RBFOX3: variants seen among roughly 807,000 people sequenced by gnomAD.
RBFOX3 encodes the protein RNA binding fox-1 homolog 3.
In RBFOX3, 17 loss-of-function variants were observed where a neutral mutation model predicts 48.7. That is an observed-to-expected ratio of 0.35 (90% CI 0.24 to 0.52). The LOEUF (loss-of-function observed/expected upper bound fraction) is 0.52. RBFOX3 is among the 20% of genes least tolerant of loss of function. The probability of loss-of-function intolerance (pLI) is 0.94; values close to 1 mark genes in which losing one functional copy is unlikely to be tolerated. For synonymous variants in RBFOX3, 212 were observed against 209.5 expected (o/e 1.01, Z -0.10); for missense variants, 382 against 497.5 (o/e 0.77, Z 2.21).
chr17:79,533,305 C>G (rs1010576362), intron 1 of RBFOX3, among the ~76,000 whole-genome samples: 2 of 152,182 alleles, frequency 1.3e-5, no homozygotes, highest in Admixed American at 6.5e-5. Flanking sequence ...GTCCAGGCAT[C>G]GAAAATCCTC....
chr17:79,232,765 T>C (rs778595749), intron 4 of RBFOX3, among the ~76,000 whole-genome samples: 2 of 152,168 alleles, frequency 1.3e-5, no homozygotes, highest in Non-Finnish European at 2.9e-5. Context: ...TACGAATAGA[T>C]TCTCAACATC....
chr17:79,091,503 G>A (rs1320569024), intron 14 of RBFOX3, among the ~76,000 whole-genome samples: 3 of 152,220 alleles, frequency 2.0e-5, no homozygotes, highest in African/African-American at 2.4e-5. Context: ...CCCCAGAAGC[G>A]CCATGCACCG....
In RBFOX3 at chr17:79,194,753, G is replaced by GT. The variant is rs1555599582; in HGVS notation, c.-34+41012_-34+41013insA. Among the ~76,000 whole-genome samples the GT allele has an allele frequency of 3.7e-3, 550 of 149,112 alleles. 3 individuals carry two copies. The highest frequency in any genetic ancestry group is 8.0e-3 in the African/African-American group (324 of 40,324). On this transcript the variant is annotated intron_variant, in intron 4 of 14. Transcript: ENST00000693108. ...AATTGAGACACTCCCTGTGTGTGTG[G>GT]GTGTGTGTGTGTGTGTGTGTGTGTG...
intron 1 of RBFOX3, among the ~76,000 whole-genome samples, chr17:79,570,957 A>G (rs1304261991): frequency 1.3e-5 from 2 of 152,132 alleles, no homozygotes; most frequent in African/African-American, 2.4e-5. Context: ...CTGAAGGATG[A>G]GGGGGGGCCC....
intron 4 of RBFOX3, among the ~76,000 whole-genome samples, chr17:79,189,571 T>G (rs541514540): frequency 6.6e-6 from 1 of 152,234 alleles, no homozygotes; most frequent in African/African-American, 2.4e-5. Flanking sequence ...TCTTTCTCAT[T>G]AGGCAGGAGG....
intron 2 of RBFOX3, among the ~76,000 whole-genome samples, chr17:79,344,443 C>G (rs901247542): frequency 1.3e-5 from 2 of 152,256 alleles, no homozygotes; most frequent in East Asian, 1.9e-4. Flanking sequence ...ACAGCCACCC[C>G]CTACCAGAGC....
Position 79,280,169 on chromosome 17 carries a change from AC to A in RBFOX3, c.-74+27554del, listed in dbSNP as rs55759414. ...TGTGCGTGCACACACACACGCACACACCACTCACACACACATGCACACTTAT... is the reference window on the plus strand; with the variant it reads ...TGTGCGTGCACACACACACGCACACACACTCACACACACATGCACACTTAT... On this transcript the variant is annotated intron_variant, in intron 3 of 14. Coordinates refer to ENST00000693108, the MANE Select transcript of RBFOX3 (RefSeq NM_001350451.2). Among the ~76,000 whole-genome samples, 181 of 121,586 alleles carry A rather than the reference AC, an allele frequency of 1.5e-3. 1 individual carries two copies. The highest frequency in any genetic ancestry group is 2.9e-3 in the Admixed American group (31 of 10,578). 79.8% of individuals were successfully genotyped at this position (121,586 alleles called of 152,430 possible). A position where few individuals can be genotyped will look rare whatever the true frequency, so the allele number is the denominator to read the frequency against.
Position 79,361,368 on chromosome 17 carries a change from G to C in RBFOX3, c.-174-53544C>G, listed in dbSNP as rs527514956. Among the ~76,000 whole-genome samples the C allele has an allele frequency of 1.4e-4, 21 of 152,316 alleles. No individual in the cohort carries two copies. Among genetic ancestry groups the C allele is most frequent in the African/African-American group, 4.8e-4 (20 of 41,578 alleles). On this transcript the variant is annotated intron_variant, in intron 2 of 14. Transcript: ENST00000693108. The surrounding 1 kb of genome is among the most constrained non-coding windows in gnomAD (Gnocchi z 4.5). ...GCTAACAGCTCTGTGCAGGTGGCAT[G>C]AGCTTGCATCCCCCACTGCCTTCCT...
chr17:79,179,013 G>A (rs1187180763), intron 4 of RBFOX3, among the ~76,000 whole-genome samples: 7 of 152,254 alleles, frequency 4.6e-5, no homozygotes, highest in Middle Eastern at 3.4e-3. Context: ...ATGCTGACCC[G>A]CGAGCCAGCG....
chr17:79,206,004 A>G (rs997502126), intron 4 of RBFOX3, among the ~76,000 whole-genome samples: 11 of 152,148 alleles, frequency 7.2e-5, no homozygotes, highest in Non-Finnish European at 1.3e-4. Flanking sequence ...CTCATCCGAT[A>G]CACTGAGGAA....
At chr17:79,379,911 C>T (rs2059682515) in intron 2 of RBFOX3, among the ~76,000 whole-genome samples, 1 of 152,182 alleles carries the variant, frequency 6.6e-6, no homozygotes, top group Non-Finnish European at 1.5e-5. Context: ...CATGTGCGTC[C>T]TGCAGCTCCT....
At chr17:79,105,958 C>G (rs1047727252) in intron 6 of RBFOX3, among the ~76,000 whole-genome samples, 5 of 152,186 alleles carry the variant, frequency 3.3e-5, no homozygotes, top group African/African-American at 1.2e-4. Context: ...CTGGCGCATT[C>G]AAGTCCAATA....
chr17:79,250,148 C>G (rs1402468590), intron 3 of RBFOX3, among the ~76,000 whole-genome samples: 1 of 152,208 alleles, frequency 6.6e-6, no homozygotes, highest in African/African-American at 2.4e-5. Context: ...ATTAATACAT[C>G]TTTACTCACA....
intron 4 of RBFOX3, among the ~76,000 whole-genome samples, chr17:79,170,121 AGGAAGGAAGGAGGAAGGAG>A (rs1286539000): frequency 7.1e-6 from 1 of 141,446 alleles, no homozygotes; most frequent in African/African-American, 2.9e-5. Flanking sequence ...GGAGGAAGGA[AGGAAGGAAGGAGGAAGGAG>A]GGAAGGAAGG....
chr17:79,620,497 G>C, the RBFOX3 span, among the ~76,000 whole-genome samples: 1 of 122,496 alleles, frequency 8.2e-6, no homozygotes, highest in African/African-American at 4.2e-5. Context: ...GCACACACGC[G>C]CACACACATG....
chr17:79,611,169 T>TCTCTCTCTCTCTCTCGCTCG, upstream of RBFOX3, among the ~76,000 whole-genome samples: 2 of 25,908 alleles, frequency 7.7e-5, 1 homozygote, highest in Non-Finnish European at 1.6e-4. Context: ...TCTCTCTCTC[T>TCTCTCTCTCTCTCTCGCTCG]CTCTCCGCCC....
At chr17:79,365,129 A>C (rs112403461) in intron 2 of RBFOX3, among the ~76,000 whole-genome samples, 1 of 115,018 alleles carries the variant, frequency 8.7e-6, no homozygotes, top group African/African-American at 3.5e-5. Flanking sequence ...GGATGTGCGC[A>C]CACACACACA....
chr17:79,094,525 C>A lies in RBFOX3; in HGVS notation c.1003G>T (p.Gly335Cys). Residue 335 changes from glycine to cysteine, a missense_variant, in exon 14 of 15, where the codon GGC becomes TGC. By Grantham distance (159) the Gly-to-Cys change is radical (BLOSUM62 -3). This residue lies in a region of RBFOX3 where 215 missense variants were observed against 254.8 expected (regional missense o/e 0.84). Transcript: ENST00000693108. ...AAAAAYSDSYGRVYAAADPYH... is the reference protein window; with the variant it reads ...AAAAAYSDSYCRVYAAADPYH... ...GGGTCGGCAGCTGCGTAGACTCTGC[C>A]GTAACTAGGGAAGAGCGTGGGAGGG... is the stretch of plus-strand genomic sequence containing the variant. 2 of 1,163,340 alleles carry A rather than the reference C, an allele frequency of 1.7e-6. No homozygotes were observed. Among genetic ancestry groups the A allele is most frequent in the Non-Finnish European group, 2.2e-6 (2 of 921,404 alleles). The allele number at this position is 1,163,340 out of a possible 1,614,324, so 72.1% of individuals were successfully genotyped here.
chr17:79,297,323 CAT>C (rs1567996671), intron 3 of RBFOX3, among the ~76,000 whole-genome samples: 1 of 152,210 alleles, frequency 6.6e-6, no homozygotes, highest in African/African-American at 2.4e-5. Flanking sequence ...AGGTGCCCCT[CAT>C]GTGAGCTAGC....
Sources: gnomAD v4.1 joint callset for allele counts (sites outside exome capture counted in the v4.1 genomes callset) on GRCh38, gnomAD v4.1.1 for gene constraint, gnomAD v4.1.1 regional missense constraint, Gnocchi (gnomAD v3.1) non-coding constraint, MANE v1.5 for transcripts, NCBI Gene and HGNC (gene_info 2026-07-23, HGNC 2026-07-21) for gene names.